The following RAB3D variants were observed in gnomAD, a reference collection of about 807,000 sequenced individuals.
RAB3D encodes the protein ras-related protein Rab-3D.
A neutral mutation model predicts 19.3 loss-of-function variants in RAB3D; 17 were observed. That is an observed-to-expected ratio of 0.88 (90% CI 0.60 to 1.32). The LOEUF (loss-of-function observed/expected upper bound fraction) is 1.32. RAB3D is among the 40% of genes most tolerant of loss of function. The pLI, the probability that RAB3D is intolerant of heterozygous loss-of-function variation, is 0.00. For missense variants in RAB3D, 223 were observed against 299.1 expected (o/e 0.75, Z 1.88); for synonymous variants, 103 against 119.9 (o/e 0.86, Z 0.92).
rs1354227933 is a variant in RAB3D at position 11,323,241 on chromosome 19, C to A, written c.*2157G>T. 6.6e-6 allele frequency: 1 copy of A among 152,158 alleles called. No homozygotes were observed. The highest frequency in any genetic ancestry group is 1.9e-4 in the East Asian group (1 of 5,200). The allele number at this position is 152,158 out of a possible 1,614,324, so 9.4% of individuals were successfully genotyped here. A position where few individuals can be genotyped will look rare whatever the true frequency, so the allele number is the denominator to read the frequency against. ...TGACTCCCGCCCACATATTCAGATA[C>A]CCTCACTTTGTGCATAGGATTTGTC... On this transcript the variant is annotated 3_prime_UTR_variant, in exon 5 of 5. Coordinates refer to ENST00000222120, the MANE Select transcript of RAB3D (RefSeq NM_004283.4).
intron 4 of RAB3D, among the ~76,000 whole-genome samples, chr19:11,328,779 T>C (rs1354759609): frequency 6.6e-6 from 1 of 152,078 alleles, no homozygotes; most frequent in Non-Finnish European, 1.5e-5. Flanking sequence ...GTCATGCCAT[T>C]GCACTCCAGC....
At chr19:11,326,965 C>T in intron 4 of RAB3D, 1 of 491,734 alleles carries the variant, frequency 2.0e-6, no homozygotes, top group South Asian at 3.1e-5. Flanking sequence ...GTCCCTGAAT[C>T]TCCATGCAGC....
chr19:11,338,876 C>T (rs925813066), intron 1 of RAB3D, among the ~76,000 whole-genome samples: 1 of 152,256 alleles, frequency 6.6e-6, no homozygotes, highest in African/African-American at 2.4e-5. Flanking sequence ...TAACCTCTCC[C>T]AGGCCTCAGT....
chr19:11,327,369 C>T (rs961932452), intron 4 of RAB3D, among the ~76,000 whole-genome samples: 8 of 152,244 alleles, frequency 5.3e-5, no homozygotes, highest in Admixed American at 3.9e-4. Flanking sequence ...CTTATCCACG[C>T]GTGGCTTTGC....
intron 4 of RAB3D, among the ~76,000 whole-genome samples, chr19:11,333,057 C>T (rs7252131): frequency 0.064 from 9,712 of 151,432 alleles, 1,019 homozygotes; most frequent in African/African-American, 0.22. Flanking sequence ...TGAGCCAGCT[C>T]TGGGGCTGAT....
chr19:11,333,291 A>C (rs2080841498), intron 4 of RAB3D, among the ~76,000 whole-genome samples: 1 of 152,186 alleles, frequency 6.6e-6, no homozygotes, highest in Admixed American at 6.5e-5. Context: ...AGTGTTAGCC[A>C]GGATGTTCTT....
chr19:11,329,767 C>T (rs930067381), intron 4 of RAB3D, among the ~76,000 whole-genome samples: 4 of 151,938 alleles, frequency 2.6e-5, no homozygotes, highest in African/African-American at 9.7e-5. Flanking sequence ...TTGCAACCTC[C>T]GCCTCCCGGG....
At chr19:11,326,802 G>T (rs768632614) in intron 4 of RAB3D, 1 of 692,828 alleles carries the variant, frequency 1.4e-6, no homozygotes, top group South Asian at 1.5e-5. Flanking sequence ...AGAGGTGGGG[G>T]TCTCGCTATG....
At chr19:11,326,891 T>C (rs187911466) in intron 4 of RAB3D, 6 of 566,064 alleles carry the variant, frequency 1.1e-5, no homozygotes, top group African/African-American at 9.7e-5. Flanking sequence ...TTTACCAGCG[T>C]GAGCCACCAC....
At chr19:11,328,889 T>C (rs2080825784) in intron 4 of RAB3D, among the ~76,000 whole-genome samples, 1 of 151,924 alleles carries the variant, frequency 6.6e-6, no homozygotes, top group Non-Finnish European at 1.5e-5. Flanking sequence ...TGGAAACAAT[T>C]ACTGTTGGCG....
At chr19:11,330,147 C>T (rs543217208) in intron 4 of RAB3D, among the ~76,000 whole-genome samples, 1 of 152,250 alleles carries the variant, frequency 6.6e-6, no homozygotes, top group East Asian at 1.9e-4. Context: ...GATCCAGGGC[C>T]CTGCCCCACA....
intron 4 of RAB3D, 98 bp downstream of exon 4, chr19:11,335,349 T>A (rs1328137710): frequency 6.5e-7 from 1 of 1,529,712 alleles, no homozygotes; most frequent in Non-Finnish European, 8.9e-7. Flanking sequence ...GGGCAGATCC[T>A]CAAAGGATCA....
chr19:11,335,352 A>G, intron 4 of RAB3D, 95 bp downstream of exon 4: 1 of 1,527,020 alleles, frequency 6.5e-7, no homozygotes, highest in Non-Finnish European at 8.9e-7. Context: ...CAGATCCTCA[A>G]AGGATCAGTG....
chr19:11,328,920 G>A (rs1231292812), intron 4 of RAB3D, among the ~76,000 whole-genome samples: 4 of 149,928 alleles, frequency 2.7e-5, no homozygotes, highest in African/African-American at 4.9e-5. Context: ...TAGCTTTCTA[G>A]TCTTTATTCA....
chr19:11,338,674 G>A (rs1014951653), intron 1 of RAB3D, among the ~76,000 whole-genome samples: 1 of 152,100 alleles, frequency 6.6e-6, no homozygotes, highest in Non-Finnish European at 1.5e-5. Context: ...CCCAGTCCAC[G>A]GAGGCAGGAG....
intron 1 of RAB3D, among the ~76,000 whole-genome samples, chr19:11,338,103 G>GT (rs1966915284): frequency 6.6e-6 from 1 of 152,200 alleles, no homozygotes; most frequent in African/African-American, 2.4e-5. Context: ...CAGTGGGAAG[G>GT]TATTAACACA....
intron 4 of RAB3D, among the ~76,000 whole-genome samples, chr19:11,331,860 G>A (rs1205699282): frequency 6.6e-6 from 1 of 152,034 alleles, no homozygotes; most frequent in Non-Finnish European, 1.5e-5. Flanking sequence ...GTTGCATAGT[G>A]AAGTGTTTAC....
rs2080786503 is a variant in RAB3D at position 11,322,593 on chromosome 19, T to C, written c.*2805A>G. The C allele has an allele frequency of 6.6e-6, 1 of 152,184 alleles. No individual in the cohort carries two copies. Among genetic ancestry groups the C allele is most frequent in the South Asian group, 2.1e-4 (1 of 4,834 alleles). 9.4% of individuals were successfully genotyped at this position (152,184 alleles called of 1,614,324 possible). On this transcript the variant is annotated 3_prime_UTR_variant, in exon 5 of 5. Coordinates refer to ENST00000222120, the MANE Select transcript of RAB3D (RefSeq NM_004283.4). Reference sequence around the variant, plus strand: ...GAGGTAATCTGCAAAAACATCAGTTTTCAGTCCCCAGAGACCATTTCCAAT... The same window carrying C: ...GAGGTAATCTGCAAAAACATCAGTTCTCAGTCCCCAGAGACCATTTCCAAT...
At chr19:11,335,220 A>G (rs1269897644) in intron 4 of RAB3D, among the ~76,000 whole-genome samples, 1 of 152,182 alleles carries the variant, frequency 6.6e-6, no homozygotes, top group Non-Finnish European at 1.5e-5. Context: ...CTCTAGGATC[A>G]ATTTCCAGAA....
Sources: gnomAD v4.1 joint callset for allele counts (sites outside exome capture counted in the v4.1 genomes callset) on GRCh38, gnomAD v4.1.1 for gene constraint, MANE v1.5 for transcripts, NCBI Gene and HGNC (gene_info 2026-07-23, HGNC 2026-07-21) for gene names.